Variants in DYNC1H1 observed in about 807,000 individuals in gnomAD.
DYNC1H1 encodes cytoplasmic dynein 1 heavy chain 1.
In DYNC1H1, 51 loss-of-function variants were observed where a neutral mutation model predicts 527.1. The observed-to-expected ratio is 0.10, with a 90% confidence interval of 0.08 to 0.12. DYNC1H1 has a LOEUF of 0.12. DYNC1H1 is among the 10% of genes least tolerant of loss of function. The probability of loss-of-function intolerance (pLI) is 1.00; values close to 1 mark genes in which losing one functional copy is unlikely to be tolerated. For synonymous variants in DYNC1H1, 2,189 were observed against 2,278.8 expected (o/e 0.96, Z 1.12); for missense variants, 2,771 against 5,971.8 (o/e 0.46, Z 17.66).
In DYNC1H1 at chr14:102,033,553, C is replaced by G. The variant is rs936137952; in HGVS notation, c.10413+69C>G. 1.3e-6 allele frequency: 2 copies of G among 1,577,798 alleles called. No individual in the cohort carries two copies. The highest frequency in any genetic ancestry group is 3.5e-5 in the Admixed American group (2 of 56,900). On this transcript the variant is annotated intron_variant, in intron 54 of 77. Coordinates refer to ENST00000360184, the MANE Select transcript of DYNC1H1 (RefSeq NM_001376.5). This position sits in a 1 kb window ranked among gnomAD's most constrained non-coding sequence, Gnocchi z 5.6. Reference sequence around the variant, plus strand: ...GCAGAGATTAACACACTTCAACATGCGCTGCATGCACCATGCTGGCCTCGG... The same window carrying G: ...GCAGAGATTAACACACTTCAACATGGGCTGCATGCACCATGCTGGCCTCGG...
chr14:102,031,905 G>C (rs143217994), intron 51 of DYNC1H1, among the ~76,000 whole-genome samples: 67 of 152,316 alleles, frequency 4.4e-4, no homozygotes, highest in African/African-American at 1.6e-3. Flanking sequence ...AGTGAGCTGA[G>C]ATCGCACCAC....
At position 102,032,446 on chromosome 14, in the gene DYNC1H1, A is replaced by G. The variant is rs372187488; in HGVS notation, c.10058A>G (p.Asn3353Ser). Residue 3353 changes from asparagine to serine, a missense_variant, in exon 52 of 78, where the codon AAC becomes AGC. By Grantham distance (46) the Asn-to-Ser change is conservative. This residue lies in a region of DYNC1H1 where 283 missense variants were observed against 737.6 expected (regional missense o/e 0.38). Coordinates refer to ENST00000360184, the MANE Select transcript of DYNC1H1 (RefSeq NM_001376.5). ...MRENFIPTIV[N>S]FSAEEISDAI... Reference sequence around the variant, plus strand: ...GAGAACTTCATCCCCACCATCGTCAACTTCTCTGCAGAGGAGATCAGGTGA... The same window carrying G: ...GAGAACTTCATCCCCACCATCGTCAGCTTCTCTGCAGAGGAGATCAGGTGA... 1 of 1,614,046 alleles carries G rather than the reference A, an allele frequency of 6.2e-7. No homozygotes were observed. Among genetic ancestry groups the G allele is most frequent in the African/African-American group, 1.3e-5 (1 of 74,932 alleles).
In DYNC1H1 at chr14:102,044,267, C is replaced by T; in HGVS notation, c.12685-7C>T. The T allele has an allele frequency of 6.2e-7, 1 of 1,613,744 alleles. No individual in the cohort carries two copies. Among genetic ancestry groups the T allele is most frequent in the Non-Finnish European group, 8.5e-7 (1 of 1,179,976 alleles). The stretch of plus-strand genomic sequence containing the variant: ...CACACACACGAACCCTGCTTTTCCT[C>T]CCCCAGGGCAGGCAGAACATCTCAC... On this transcript the variant is annotated splice_region_variant and splice_polypyrimidine_tract_variant and intron_variant, in intron 70 of 77. Transcript: ENST00000360184. This position sits in a 1 kb window ranked among gnomAD's most constrained non-coding sequence, Gnocchi z 7.1.
Position 102,010,490 on chromosome 14 carries a change from C to CT in DYNC1H1, c.6405+33dup. On this transcript the variant is annotated intron_variant, in intron 31 of 77. Coordinates refer to ENST00000360184, the MANE Select transcript of DYNC1H1 (RefSeq NM_001376.5). The surrounding 1 kb of genome is among the most constrained non-coding windows in gnomAD (Gnocchi z 6.0). ...TTACAAACGTTTTGATCACTCAAACCTTATACGTTATTTAAATTTACCTTT... is the reference window on the plus strand; with the variant it reads ...TTACAAACGTTTTGATCACTCAAACCTTTATACGTTATTTAAATTTACCTTT... 1 of 1,611,276 alleles carries CT rather than the reference C, an allele frequency of 6.2e-7. No individual in the cohort carries two copies. The highest frequency in any genetic ancestry group is 1.1e-5 in the South Asian group (1 of 90,704).
At chr14:101,999,168 C>T (rs2048102457) in intron 16 of DYNC1H1, among the ~76,000 whole-genome samples, 1 of 151,944 alleles carries the variant, frequency 6.6e-6, no homozygotes, top group South Asian at 2.1e-4. Context: ...AGGCGTGAGC[C>T]ACCGCACCTG....
rs777816008 is a variant in DYNC1H1 at position 101,983,312 on chromosome 14, A to G, written c.1233+22A>G. 20 of 1,614,088 alleles carry G rather than the reference A, an allele frequency of 1.2e-5. No homozygotes were observed. Among genetic ancestry groups the G allele is most frequent in the Non-Finnish European group, 1.7e-5 (20 of 1,179,912 alleles). ...AAAAGTAAGTTTGAATATATAAGACAACCAACCTCAAGACATTGAGATGAA... is the reference window on the plus strand; with the variant it reads ...AAAAGTAAGTTTGAATATATAAGACGACCAACCTCAAGACATTGAGATGAA... On this transcript the variant is annotated intron_variant, in intron 6 of 77. Coordinates refer to ENST00000360184, the MANE Select transcript of DYNC1H1 (RefSeq NM_001376.5). The surrounding 1 kb of genome is among the most constrained non-coding windows in gnomAD (Gnocchi z 5.3).
Position 102,016,114 on chromosome 14 carries a change from G to A in DYNC1H1, c.7473+28G>A, listed in dbSNP as rs1242116264. The A allele has an allele frequency of 1.9e-6, 3 of 1,576,126 alleles. No individual in the cohort carries two copies. In the South Asian group the frequency reaches 3.4e-5, roughly 18 times the overall value. On this transcript the variant is annotated intron_variant, in intron 36 of 77. Transcript: ENST00000360184. The surrounding 1 kb of genome is among the most constrained non-coding windows in gnomAD (Gnocchi z 7.3). Reference sequence around the variant, plus strand: ...CAGGGGGCATCAGGGGCTTCACAGAGCTCACCACTGCGCCAGACCACAGGT... The same window carrying A: ...CAGGGGGCATCAGGGGCTTCACAGAACTCACCACTGCGCCAGACCACAGGT...
At chr14:102,008,385 T>G in intron 29 of DYNC1H1, 48 bp downstream of exon 29, 6 of 1,600,984 alleles carry the variant, frequency 3.7e-6, no homozygotes, top group Admixed American at 1.7e-5. Context: ...TAGAGGGAAA[T>G]TCCCTAGTGA....
chr14:102,032,803 A>T, intron 52 of DYNC1H1: 2 of 568,138 alleles, frequency 3.5e-6, no homozygotes, highest in South Asian at 4.1e-5. Flanking sequence ...CAGTGAACCG[A>T]GATCACACCA....
Position 101,979,862 on chromosome 14 carries a change from A to G in DYNC1H1, c.662A>G (p.Tyr221Cys), listed in dbSNP as rs2047842932. The part of the protein sequence containing the change: ...PMITNVAKQC[Y>C]ERGEKPKVTD... ...ATCACAAATGTTGCAAAACAGTGTT[A>G]TGAGCGTGGAGAAAAGCCAAAAGTT... The change falls in exon 4 of 78, where the codon TAT becomes TGT. Residue 221 changes from tyrosine (Y) to cysteine (C), a missense_variant. Tyr to Cys is a radical substitution (Grantham distance 194). Around this residue, in one of 32 missense-constraint regions of DYNC1H1, gnomAD observed 146 missense variants for 288.1 expected, o/e 0.51. Transcript: ENST00000360184. This position sits in a 1 kb window ranked among gnomAD's most constrained non-coding sequence, Gnocchi z 4.6. The G allele has an allele frequency of 1.2e-6, 2 of 1,614,256 alleles. No homozygotes were observed. The highest frequency in any genetic ancestry group is 1.7e-6 in the Non-Finnish European group (2 of 1,180,046).
intron 29 of DYNC1H1, among the ~76,000 whole-genome samples, 185 bp downstream of exon 29, chr14:102,008,522 TCAC>T (rs2141291512): frequency 6.6e-6 from 1 of 152,270 alleles, no homozygotes; most frequent in South Asian, 2.1e-4. Flanking sequence ...GCGTAGTGGC[TCAC>T]GTGTGTAATC....
intron 23 of DYNC1H1, among the ~76,000 whole-genome samples, chr14:102,004,199 G>A (rs536986109): frequency 4.6e-5 from 7 of 152,150 alleles, no homozygotes; most frequent in South Asian, 4.1e-4. Context: ...AGCCGAGATC[G>A]TGCCACTGCA....
chr14:101,994,940 C>T (rs372366516), intron 13 of DYNC1H1, 46 bp from the exon 14 acceptor site: 12 of 1,613,344 alleles, frequency 7.4e-6, no homozygotes, highest in Non-Finnish European at 1.0e-5. Context: ...ATAAACACGC[C>T]AGCAGGAAAG....
At position 102,053,461 on chromosome 14, in the gene DYNC1H1, T is replaced by C. The variant is rs2048842729; in HGVS notation, c.*2898T>C. The C allele has an allele frequency of 6.6e-6, 1 of 151,202 alleles. No homozygotes were observed. The highest frequency in any genetic ancestry group is 1.5e-5 in the Non-Finnish European group (1 of 67,920). The allele number at this position is 151,202 out of a possible 1,614,324, so 9.4% of individuals were successfully genotyped here. Reference sequence around the variant, plus strand: ...TTTGTTTTTTGTTTGTTTTTGTTTTTTTTAAAAAACTGAGTCTCGCACTGT... The same window carrying C: ...TTTGTTTTTTGTTTGTTTTTGTTTTCTTTAAAAAACTGAGTCTCGCACTGT... On this transcript the variant is annotated 3_prime_UTR_variant, in exon 78 of 78. Transcript: ENST00000360184.
Position 102,028,295 on chromosome 14 carries a change from T to G in DYNC1H1, c.9468+154T>G. 3.5e-6 allele frequency: 3 copies of G among 864,166 alleles called. No homozygotes were observed. The South Asian group carries it at 4.4e-5, about 13-fold the overall frequency. 53.5% of individuals were successfully genotyped at this position (864,166 alleles called of 1,614,324 possible). ...GGGAGGCCAAGGCGGGAGGATCACT[T>G]GAACCCAGGAGTTCAAGACCAGCCT... On this transcript the variant is annotated intron_variant, in intron 48 of 77. Coordinates refer to ENST00000360184, the MANE Select transcript of DYNC1H1 (RefSeq NM_001376.5).
chr14:101,986,602 G>A lies in DYNC1H1; in HGVS notation c.2377G>A (p.Glu793Lys), dbSNP rs777505460. 9 of 1,613,228 alleles carry A rather than the reference G, an allele frequency of 5.6e-6. No individual in the cohort carries two copies. Among genetic ancestry groups the A allele is most frequent in the African/African-American group, 2.7e-5 (2 of 74,864 alleles). The part of the protein sequence containing the change: ...ESVRTYERTC[E>K]KVEERNTISL... ...CGTTCGTACCTATGAACGGACCTGC[G>A]AGAAGGTGGAGGAGCGGAACACCAT... The change falls in exon 8 of 78, where the codon GAG becomes AAG. Residue 793 changes from glutamate (E) to lysine (K), a missense_variant. Coordinates refer to ENST00000360184, the MANE Select transcript of DYNC1H1 (RefSeq NM_001376.5). The surrounding 1 kb of genome is among the most constrained non-coding windows in gnomAD (Gnocchi z 8.7).
At position 102,020,566 on chromosome 14, in the gene DYNC1H1, G is replaced by A. The variant is rs2048373466; in HGVS notation, c.8507+510G>A. 6.6e-6 allele frequency among the ~76,000 whole-genome samples: 1 copy of A among 152,170 alleles called. No homozygotes were observed. The highest frequency in any genetic ancestry group is 2.1e-4 in the South Asian group (1 of 4,818). On this transcript the variant is annotated intron_variant, in intron 42 of 77. Transcript: ENST00000360184. The surrounding 1 kb of genome is among the most constrained non-coding windows in gnomAD (Gnocchi z 4.3). ...TGTTCTCATCAAAGGCTTTGCAGCT[G>A]CAGCTCTGGGGCACTGGTTTTCTCT...
At chr14:101,995,366 C>G in intron 15 of DYNC1H1, 66 bp downstream of exon 15, 4 of 1,595,090 alleles carry the variant, frequency 2.5e-6, no homozygotes, top group Non-Finnish European at 3.4e-6. Context: ...AATCCCAGCA[C>G]TTTGGGAGGC....
chr14:101,990,604 G>T (rs1019341731), intron 10 of DYNC1H1, among the ~76,000 whole-genome samples: 4 of 152,206 alleles, frequency 2.6e-5, no homozygotes, highest in African/African-American at 7.2e-5. Context: ...GCCAGACGCA[G>T]TGGCTTACCC....
Sources: allele counts gnomAD v4.1 joint callset (sites outside exome capture counted in the v4.1 genomes callset), GRCh38; gene constraint gnomAD v4.1.1; regional missense constraint gnomAD v4.1.1; non-coding constraint Gnocchi (gnomAD v3.1); transcripts MANE v1.5; gene names NCBI Gene and HGNC (gene_info 2026-07-23, HGNC 2026-07-21).